The following SORCS3 variants were observed in gnomAD, a reference collection of about 807,000 sequenced individuals.
SORCS3 encodes the protein sortilin related VPS10 domain containing receptor 3.
A neutral mutation model predicts 146.3 loss-of-function variants in SORCS3; 57 were observed. The observed-to-expected ratio is 0.39, with a 90% CI of 0.31 to 0.49. The LOEUF (loss-of-function observed/expected upper bound fraction) is 0.49, where lower values mean the gene tolerates loss of function less well. Among genes scored for constraint, SORCS3 ranks in the 20% least tolerant of loss-of-function variants. SORCS3 has a pLI of 0.92. For missense variants in SORCS3, 1,341 were observed against 1,575.5 expected (o/e 0.85, Z 2.52); for synonymous variants, 653 against 618.5 (o/e 1.06, Z -0.83).
rs1183294186 is a variant in SORCS3, at chr10:104,641,892, G to C, written c.565G>C (p.Ala189Pro). The change falls in exon 1 of 27, where the codon GCG becomes CCG. Residue 189 changes from alanine (A) to proline (P), a missense_variant. Transcript: ENST00000369701. This position sits in a 1 kb window ranked among gnomAD's most constrained non-coding sequence, Gnocchi z 6.4. ...EDLRLPSTSF[A>P]LTGDSAHNQA... ...CCTCCGGCTGCCCAGCACCTCCTTC[G>C]CGCTGACCGGGGACTCGGCCCACAA... The C allele has an allele frequency of 3.1e-6, 5 of 1,594,880 alleles. No individual in the cohort carries two copies. Among genetic ancestry groups the C allele is most frequent in the Non-Finnish European group, 4.3e-6 (5 of 1,175,516 alleles).
chr10:105,120,261 GTTTCCTGAGGCC>G (rs1029541541), intron 7 of SORCS3, among the ~76,000 whole-genome samples: 12 of 152,214 alleles, frequency 7.9e-5, no homozygotes, highest in African/African-American at 2.9e-4. Context: ...GTGATTGTAA[GTTTCCTGAGGCC>G]TTTCCAGCCA....
At chr10:104,828,730 CT>C (rs1469150880) in intron 1 of SORCS3, among the ~76,000 whole-genome samples, 1 of 152,076 alleles carries the variant, frequency 6.6e-6, no homozygotes, top group Non-Finnish European at 1.5e-5. Context: ...AACAAGGTAC[CT>C]TTGTCTTCTC....
At chr10:104,983,295 C>T (rs778250755) in intron 4 of SORCS3, among the ~76,000 whole-genome samples, 13 of 152,026 alleles carry the variant, frequency 8.6e-5, no homozygotes, top group African/African-American at 1.9e-4. Flanking sequence ...AACCATGCAC[C>T]GCACCCAGCC....
intron 4 of SORCS3, among the ~76,000 whole-genome samples, chr10:104,990,424 C>T (rs1291935734): frequency 1.3e-5 from 2 of 152,036 alleles, no homozygotes; most frequent in African/African-American, 4.8e-5. Flanking sequence ...TTGGGGCCTG[C>T]TCCTGGGGAG....
At chr10:105,111,599 T>C (rs571050831) in intron 7 of SORCS3, among the ~76,000 whole-genome samples, 114 of 152,348 alleles carry the variant, frequency 7.5e-4, no homozygotes, top group Non-Finnish European at 1.3e-3. Context: ...ACAATGTCTC[T>C]GCGTTTTTAT....
intron 11 of SORCS3, among the ~76,000 whole-genome samples, chr10:105,160,400 G>T (rs185598579): frequency 2.0e-5 from 3 of 152,314 alleles, no homozygotes; most frequent in African/African-American, 7.2e-5. Context: ...GCCGAGGCAG[G>T]TGGATCACCT....
At chr10:104,727,239 G>T (rs2016646694) in intron 1 of SORCS3, among the ~76,000 whole-genome samples, 1 of 152,198 alleles carries the variant, frequency 6.6e-6, no homozygotes, top group African/African-American at 2.4e-5. Flanking sequence ...TGTAATGAGA[G>T]AATGTATTGT....
intron 1 of SORCS3, among the ~76,000 whole-genome samples, chr10:104,744,936 A>G (rs2016889771): frequency 6.6e-6 from 1 of 152,248 alleles, no homozygotes; most frequent in South Asian, 2.1e-4. Flanking sequence ...AATGCAATTG[A>G]TATATGCATA....
chr10:105,015,283 C>T (rs1348305238), intron 4 of SORCS3, among the ~76,000 whole-genome samples: 3 of 152,138 alleles, frequency 2.0e-5, no homozygotes, highest in Non-Finnish European at 4.4e-5. Flanking sequence ...GATATAAACC[C>T]TGGAGAAACA....
chr10:105,109,804 T>TA (rs1355508548), intron 7 of SORCS3, among the ~76,000 whole-genome samples: 1 of 152,100 alleles, frequency 6.6e-6, no homozygotes, highest in African/African-American at 2.4e-5. Flanking sequence ...TATATCAAAA[T>TA]AAAAAATATT....
intron 4 of SORCS3, among the ~76,000 whole-genome samples, chr10:105,000,429 C>T (rs1051292352): frequency 6.6e-5 from 10 of 151,836 alleles, no homozygotes; most frequent in Non-Finnish European, 1.0e-4. Flanking sequence ...TAAGGTGCCC[C>T]GGATTGTAGA....
At chr10:104,987,112 T>A (rs2054966738) in intron 4 of SORCS3, among the ~76,000 whole-genome samples, 1 of 151,816 alleles carries the variant, frequency 6.6e-6, no homozygotes. Flanking sequence ...GTACATAATA[T>A]ATATTAAGAC....
chr10:104,982,134 T>C (rs1397509525), intron 4 of SORCS3, among the ~76,000 whole-genome samples: 1 of 152,140 alleles, frequency 6.6e-6, no homozygotes, highest in Non-Finnish European at 1.5e-5. Flanking sequence ...ATTGACAGAC[T>C]GGTTAAGCAG....
At chr10:105,245,124 C>T (rs2056858282) in intron 20 of SORCS3, among the ~76,000 whole-genome samples, 2 of 145,802 alleles carry the variant, frequency 1.4e-5, no homozygotes, top group South Asian at 4.4e-4. Context: ...AAGTAAATAA[C>T]TATGTGATCA....
intron 14 of SORCS3, among the ~76,000 whole-genome samples, chr10:105,180,395 T>A (rs1402116158): frequency 6.6e-6 from 1 of 152,208 alleles, no homozygotes; most frequent in African/African-American, 2.4e-5. Flanking sequence ...AAAGCAAGGA[T>A]TGGCATGTTG....
intron 5 of SORCS3, among the ~76,000 whole-genome samples, chr10:105,048,452 G>A (rs1264615350): frequency 3.4e-5 from 5 of 148,776 alleles, no homozygotes; most frequent in South Asian, 4.3e-4. Context: ...ACCAAACACC[G>A]CATGTTCTCA....
intron 1 of SORCS3, among the ~76,000 whole-genome samples, chr10:104,701,732 A>G (rs953638843): frequency 2.6e-5 from 4 of 152,202 alleles, no homozygotes; most frequent in African/African-American, 2.4e-5. Flanking sequence ...GTCTGGTTCA[A>G]GAGTTCAGGC....
intron 1 of SORCS3, among the ~76,000 whole-genome samples, chr10:104,674,586 A>G (rs987291676): frequency 2.6e-5 from 4 of 152,226 alleles, no homozygotes; most frequent in Non-Finnish European, 5.9e-5. Context: ...CCTGGCTGAC[A>G]TCTTTCGTAA....
intron 7 of SORCS3, among the ~76,000 whole-genome samples, chr10:105,121,441 A>G (rs948339173): frequency 6.6e-6 from 1 of 152,214 alleles, no homozygotes; most frequent in South Asian, 2.1e-4. Context: ...GGTCAAGGAT[A>G]TGACCTCAGG....
Sources: gnomAD v4.1 joint callset for allele counts (sites outside exome capture counted in the v4.1 genomes callset) on GRCh38, gnomAD v4.1.1 for gene constraint, Gnocchi (gnomAD v3.1) non-coding constraint, MANE v1.5 for transcripts, NCBI Gene and HGNC (gene_info 2026-07-23, HGNC 2026-07-21) for gene names.